TCF12: variants seen among roughly 807,000 people sequenced by gnomAD.
TCF12 encodes the protein transcription factor 12, also known as DNA-binding protein HTF4.
A neutral mutation model predicts 86.0 loss-of-function variants in TCF12; 45 were observed. The ratio of observed to expected loss-of-function variants is 0.52; its 90% CI spans 0.41 to 0.67. The LOEUF (loss-of-function observed/expected upper bound fraction) is 0.67. TCF12 is among the 30% of genes least tolerant of loss of function. The probability of loss-of-function intolerance (pLI) is 0.00; values close to 1 mark genes in which losing one functional copy is unlikely to be tolerated. For synonymous variants in TCF12, 330 were observed against 299.6 expected (o/e 1.10, Z -1.05); for missense variants, 881 against 859.9 (o/e 1.02, Z -0.31).
At chr15:57,148,881 C>T (rs1398625100) in intron 5 of TCF12, among the ~76,000 whole-genome samples, 2 of 151,852 alleles carry the variant, frequency 1.3e-5, no homozygotes, top group Non-Finnish European at 2.9e-5. Flanking sequence ...ATCTCAACAA[C>T]AACAGAAAGC....
chr15:57,058,984 C>A (rs1200058326), intron 3 of TCF12, among the ~76,000 whole-genome samples: 2 of 152,134 alleles, frequency 1.3e-5, no homozygotes, highest in Non-Finnish European at 2.9e-5. Context: ...TGAATAAAGA[C>A]ACTATTAAAA....
intron 5 of TCF12, among the ~76,000 whole-genome samples, chr15:57,123,469 G>A (rs1382935982): frequency 6.6e-6 from 1 of 151,206 alleles, no homozygotes; most frequent in Non-Finnish European, 1.5e-5. Context: ...TTCTAATTAG[G>A]TAGACAATCT....
chr15:57,184,485 A>G (rs2056549576), intron 6 of TCF12, among the ~76,000 whole-genome samples: 1 of 152,168 alleles, frequency 6.6e-6, no homozygotes, highest in South Asian at 2.1e-4. Flanking sequence ...TGTGTATGTT[A>G]TGACCAGCTT....
chr15:57,095,547 A>G (rs1193370361), intron 5 of TCF12, among the ~76,000 whole-genome samples: 2 of 152,162 alleles, frequency 1.3e-5, no homozygotes, highest in African/African-American at 2.4e-5. Flanking sequence ...ATGTATGTGT[A>G]TATGTGATAA....
rs567967978 is a variant in TCF12, at chr15:57,150,106, G to T, written c.326-16296G>T. Among the ~76,000 whole-genome samples the T allele has an allele frequency of 7.4e-4, 112 of 152,250 alleles. 2 individuals are homozygous for T. The South Asian group carries it at 0.022, about 30-fold the overall frequency. On this transcript the variant is annotated intron_variant, in intron 5 of 20. Transcript: ENST00000333725. ...CAGCAAAAAGACGAGATAATCAAAC[G>T]CAGCCTGGCAGTCTTTGTGAGTTGA...
In TCF12 at chr15:57,121,306, G is replaced by A. The variant is rs1487752666; in HGVS notation, c.325+29415G>A. Among the ~76,000 whole-genome samples the A allele has an allele frequency of 2.6e-5, 4 of 152,160 alleles. No individual in the cohort carries two copies. In the South Asian group the frequency reaches 6.2e-4, roughly 24 times the overall value. Reference sequence around the variant, plus strand: ...TTGGTTGTTTTCTAAATATGAATTCGGTTCACTCTGAAATTAGAGCAGTTC... The same window carrying A: ...TTGGTTGTTTTCTAAATATGAATTCAGTTCACTCTGAAATTAGAGCAGTTC... On this transcript the variant is annotated intron_variant, in intron 5 of 20. Transcript: ENST00000333725.
chr15:57,012,052 C>G (rs2585115), intron 3 of TCF12, among the ~76,000 whole-genome samples: 2 of 152,086 alleles, frequency 1.3e-5, no homozygotes, highest in Non-Finnish European at 2.9e-5. Flanking sequence ...TATTAAATTT[C>G]AGGACAGCAT....
chr15:57,144,644 G>C (rs554676999), intron 5 of TCF12, among the ~76,000 whole-genome samples: 17 of 152,258 alleles, frequency 1.1e-4, no homozygotes, highest in Admixed American at 5.9e-4. Flanking sequence ...TGTAATCCAG[G>C]CTGGAGTGTG....
intron 3 of TCF12, among the ~76,000 whole-genome samples, chr15:56,969,179 T>G (rs2062161310): frequency 1.3e-5 from 2 of 152,164 alleles, no homozygotes; most frequent in Non-Finnish European, 2.9e-5. Flanking sequence ...AGGAATAAAA[T>G]GGGAGGCAGG....
intron 6 of TCF12, among the ~76,000 whole-genome samples, chr15:57,188,307 G>GC (rs1397815642): frequency 6.6e-6 from 1 of 151,792 alleles, no homozygotes; most frequent in Admixed American, 6.6e-5. Flanking sequence ...ACAAAACACT[G>GC]CCAGAAGAAA....
At chr15:57,078,123 A>G (rs1337241947) in intron 4 of TCF12, among the ~76,000 whole-genome samples, 1 of 152,166 alleles carries the variant, frequency 6.6e-6, no homozygotes, top group African/African-American at 2.4e-5. Context: ...TTTTCCAGTT[A>G]TCAATATGTT....
chr15:56,926,800 A>G lies in TCF12; in HGVS notation c.148+5702A>G, dbSNP rs111816739. On this transcript the variant is annotated intron_variant, in intron 3 of 20. Transcript: ENST00000333725. ...CTTGTCTGCTTCTGTTTCTTAATCTATAAAACAGGACTAATAATAGTCGTT... is the reference window on the plus strand; with the variant it reads ...CTTGTCTGCTTCTGTTTCTTAATCTGTAAAACAGGACTAATAATAGTCGTT... Among the ~76,000 whole-genome samples, 144 of 152,356 alleles carry G rather than the reference A, an allele frequency of 9.5e-4. 4 individuals carry two copies. The highest frequency in any genetic ancestry group is 3.4e-3 in the African/African-American group (141 of 41,590).
chr15:57,059,876 C>G (rs1481425911), intron 3 of TCF12, among the ~76,000 whole-genome samples: 2 of 150,956 alleles, frequency 1.3e-5, no homozygotes, highest in Admixed American at 6.6e-5. Context: ...GCCCATAGGA[C>G]TCTGGTGGCT....
chr15:56,993,084 A>G (rs1160091316), intron 3 of TCF12, among the ~76,000 whole-genome samples: 4 of 152,120 alleles, frequency 2.6e-5, no homozygotes, highest in Admixed American at 6.6e-5. Context: ...ACTGGCTGTG[A>G]GTTTACCATT....
At chr15:57,035,727 A>T (rs557904657) in intron 3 of TCF12, among the ~76,000 whole-genome samples, 2 of 152,244 alleles carry the variant, frequency 1.3e-5, no homozygotes, top group East Asian at 3.9e-4. Context: ...GCCTGTCAGG[A>T]TTAGAAGACT....
At chr15:57,224,778 T>C (rs1224322601) in intron 8 of TCF12, among the ~76,000 whole-genome samples, 1 of 152,176 alleles carries the variant, frequency 6.6e-6, no homozygotes, top group Admixed American at 6.5e-5. Flanking sequence ...ACAGGCTAAT[T>C]AGGTAAAAAG....
intron 3 of TCF12, among the ~76,000 whole-genome samples, chr15:56,966,910 G>A (rs1446113356): frequency 1.3e-5 from 2 of 151,912 alleles, no homozygotes; most frequent in Non-Finnish European, 2.9e-5. Context: ...ATCACTTGAG[G>A]TCGGGAGTTT....
intron 18 of TCF12, among the ~76,000 whole-genome samples, chr15:57,269,449 T>G (rs2152084499): frequency 6.7e-6 from 1 of 148,268 alleles, no homozygotes; most frequent in African/African-American, 2.5e-5. Context: ...CCTATGTGTA[T>G]CTTTGCGCAT....
chr15:57,277,370 C>A (rs1422398653), intron 19 of TCF12, among the ~76,000 whole-genome samples: 1 of 151,878 alleles, frequency 6.6e-6, no homozygotes, highest in Non-Finnish European at 1.5e-5. Context: ...GTGGCTCACA[C>A]CTGTAATCCC....
Sources: allele counts gnomAD v4.1 joint callset (sites outside exome capture counted in the v4.1 genomes callset), GRCh38; gene constraint gnomAD v4.1.1; transcripts MANE v1.5; gene names NCBI Gene and HGNC (gene_info 2026-07-23, HGNC 2026-07-21).